FAM171A1: variants seen among roughly 807,000 people sequenced by gnomAD.
FAM171A1 encodes the protein protein FAM171A1.
A neutral mutation model predicts 74.9 loss-of-function variants in FAM171A1; 23 were observed. The observed-to-expected ratio is 0.31, with a 90% CI of 0.22 to 0.44. The LOEUF (loss-of-function observed/expected upper bound fraction) is 0.44. FAM171A1 is among the 20% of genes least tolerant of loss of function. FAM171A1 has a pLI of 1.00. For missense variants in FAM171A1, 1,162 were observed against 1,159.2 expected, an observed-to-expected ratio of 1.00 and a Z score of -0.03; for synonymous variants, 527 against 505.7, an observed-to-expected ratio of 1.04 and a Z score of -0.57.
intron 1 of FAM171A1, among the ~76,000 whole-genome samples, chr10:15,313,211 ACTGCTTTG>A (rs1365461782): frequency 6.6e-6 from 1 of 152,100 alleles, no homozygotes; most frequent in Non-Finnish European, 1.5e-5. Flanking sequence ...ACTCTGACCC[ACTGCTTTG>A]CAGCAGTAAA....
chr10:15,234,242 G>C (rs746488368), intron 5 of FAM171A1, among the ~76,000 whole-genome samples: 19 of 151,924 alleles, frequency 1.3e-4, no homozygotes, highest in Non-Finnish European at 2.4e-4. Context: ...TCATACAAAA[G>C]TATAAAACCA....
At chr10:15,353,927 C>T (rs1835905354) in intron 1 of FAM171A1, among the ~76,000 whole-genome samples, 1 of 152,252 alleles carries the variant, frequency 6.6e-6, no homozygotes, top group African/African-American at 2.4e-5. Context: ...AACAGCTCAG[C>T]TCCATTCAAT....
intron 3 of FAM171A1, among the ~76,000 whole-genome samples, chr10:15,271,762 G>C (rs1834828156): frequency 6.6e-6 from 1 of 152,160 alleles, no homozygotes. Flanking sequence ...TTTCAACCCA[G>C]AATTTCATAT....
intron 4 of FAM171A1, among the ~76,000 whole-genome samples, chr10:15,249,963 CTG>C (rs1834487154): frequency 6.6e-6 from 1 of 152,210 alleles, no homozygotes. Flanking sequence ...AAAATTTAAG[CTG>C]CATTAAAATA....
intron 1 of FAM171A1, among the ~76,000 whole-genome samples, chr10:15,302,256 G>T (rs1445155439): frequency 2.6e-5 from 4 of 152,060 alleles, no homozygotes; most frequent in African/African-American, 9.7e-5. Flanking sequence ...CTGAGGTCAG[G>T]GGTTTGAGAC....
At chr10:15,272,009 T>C (rs2131795022) in intron 3 of FAM171A1, among the ~76,000 whole-genome samples, 1 of 152,282 alleles carries the variant, frequency 6.6e-6, no homozygotes, top group East Asian at 1.9e-4. Flanking sequence ...AACATCATAA[T>C]GACAGGATCA....
At chr10:15,359,831 G>A (rs1371919014) in intron 1 of FAM171A1, among the ~76,000 whole-genome samples, 2 of 152,188 alleles carry the variant, frequency 1.3e-5, no homozygotes, top group African/African-American at 4.8e-5. Flanking sequence ...GTGGCCTCAC[G>A]GAGGTCAGAA....
At chr10:15,364,979 C>T (rs985426494) in intron 1 of FAM171A1, among the ~76,000 whole-genome samples, 4 of 152,098 alleles carry the variant, frequency 2.6e-5, no homozygotes, top group African/African-American at 9.7e-5. Flanking sequence ...AATCACTTGG[C>T]CACAGTCTTT....
At chr10:15,222,111 C>T (rs1834046078) in intron 5 of FAM171A1, among the ~76,000 whole-genome samples, 1 of 152,158 alleles carries the variant, frequency 6.6e-6, no homozygotes, top group African/African-American at 2.4e-5. Context: ...CCCGCGCACC[C>T]ACTCCGACCT....
At chr10:15,241,004 G>C (rs1165262087) in intron 5 of FAM171A1, 2 of 152,156 alleles carry the variant, frequency 1.3e-5, no homozygotes, top group Admixed American at 1.3e-4. Context: ...TTGCACTGCA[G>C]CCTGGGTGAC....
At position 15,213,450 on chromosome 10, in the gene FAM171A1, T is replaced by C. The variant is rs1833920632; in HGVS notation, c.2138A>G (p.Asp713Gly). 6.2e-7 allele frequency: 1 copy of C among 1,614,172 alleles called. No individual in the cohort carries two copies. Among genetic ancestry groups the C allele is most frequent in the Non-Finnish European group, 8.5e-7 (1 of 1,180,038 alleles). ...TCTAACGTGAGCGTTGGACCTGCCA[T>C]CCAAGGAGACGAACCACGCCCGGGG... ...PHPRAWFVSL[D>G]GRSNAHVRHS... is the part of the protein sequence containing the mutation. Residue 713 changes from aspartate (D) to glycine (G), a missense_variant, in exon 8 of 8, where the codon GAT (aspartate) becomes GGT (glycine). Coordinates refer to ENST00000378116, the MANE Select transcript of FAM171A1 (RefSeq NM_001010924.2). The surrounding 1 kb of genome is among the most constrained non-coding windows in gnomAD (Gnocchi z 6.8).
intron 1 of FAM171A1, among the ~76,000 whole-genome samples, chr10:15,329,413 C>T (rs535255012): frequency 1.3e-5 from 2 of 152,082 alleles, no homozygotes; most frequent in African/African-American, 4.8e-5. Flanking sequence ...CTTTGTGAGG[C>T]CAAGGCAGGA....
At chr10:15,269,225 T>C (rs1209259417) in intron 3 of FAM171A1, among the ~76,000 whole-genome samples, 1 of 152,138 alleles carries the variant, frequency 6.6e-6, no homozygotes, top group Non-Finnish European at 1.5e-5. Flanking sequence ...GTAATCCTCC[T>C]GTCTCAGTCT....
In FAM171A1 at chr10:15,325,459, G is replaced by A. The variant is rs889461937; in HGVS notation, c.98-41354C>T. Among the ~76,000 whole-genome samples, 5 of 152,278 alleles carry A rather than the reference G, an allele frequency of 3.3e-5. No homozygotes were observed. In the South Asian group the frequency reaches 1.0e-3, roughly 32 times the overall value. On this transcript the variant is annotated intron_variant, in intron 1 of 7. Transcript: ENST00000378116. The stretch of plus-strand genomic sequence containing the variant: ...GGCAGCTGAGTCTGCGGTGAGCTAC[G>A]ATGGAGCCACCGTACTCCAGCTTGA...
At chr10:15,245,743 G>A (rs1315619609) in intron 5 of FAM171A1, among the ~76,000 whole-genome samples, 1 of 152,192 alleles carries the variant, frequency 6.6e-6, no homozygotes, top group Admixed American at 6.5e-5. Context: ...ATTGACCTGG[G>A]TGCGCTTCAG....
At chr10:15,345,270 AT>A (rs1335790095) in intron 1 of FAM171A1, among the ~76,000 whole-genome samples, 1 of 152,226 alleles carries the variant, frequency 6.6e-6, no homozygotes, top group Non-Finnish European at 1.5e-5. Context: ...AGAGACAGAC[AT>A]GAAGATGTGC....
chr10:15,212,952 C>A lies in FAM171A1; in HGVS notation c.2636G>T (p.Arg879Leu). The change falls in exon 8 of 8, where the codon CGG becomes CTG. Residue 879 changes from arginine to leucine, a missense_variant. Arg to Leu is a moderately radical substitution (Grantham distance 102). Coordinates refer to ENST00000378116, the MANE Select transcript of FAM171A1 (RefSeq NM_001010924.2). ...AAACGCCATCAGGGGCCTCTCCTCC[C>A]GTTTCTGCCAGGGGCTTTTCTTGTC... ...GEDKKSPWQK[R>L]EERPLMAFNI... is the part of the protein sequence containing the mutation. 6.2e-7 allele frequency: 1 copy of A among 1,614,136 alleles called. No homozygotes were observed. Among genetic ancestry groups the A allele is most frequent in the Non-Finnish European group, 8.5e-7 (1 of 1,180,024 alleles).
intron 1 of FAM171A1, among the ~76,000 whole-genome samples, chr10:15,287,732 G>A (rs545383766): frequency 6.6e-6 from 1 of 152,086 alleles, no homozygotes; most frequent in Non-Finnish European, 1.5e-5. Flanking sequence ...GTGTCCCCAA[G>A]TAGTATACTA....
intron 1 of FAM171A1, among the ~76,000 whole-genome samples, chr10:15,299,954 T>A (rs1835208922): frequency 7.5e-6 from 1 of 132,494 alleles, no homozygotes; most frequent in South Asian, 2.9e-4. Context: ...AGAGTGAGAC[T>A]CCATCTCAAA....
Sources: allele counts gnomAD v4.1 joint callset (sites outside exome capture counted in the v4.1 genomes callset), GRCh38; gene constraint gnomAD v4.1.1; non-coding constraint Gnocchi (gnomAD v3.1); transcripts MANE v1.5; gene names NCBI Gene and HGNC (gene_info 2026-07-23, HGNC 2026-07-21).